The following PDE10A variants were observed in gnomAD, a reference collection of about 807,000 sequenced individuals.
PDE10A encodes phosphodiesterase 10A.
A neutral mutation model predicts 97.7 loss-of-function variants in PDE10A; 39 were observed. The observed-to-expected ratio is 0.40, with a 90% CI of 0.31 to 0.52. PDE10A has a LOEUF of 0.52. Ranked by LOEUF, PDE10A falls within the 20% of genes least tolerant of loss-of-function variation. The pLI, the probability that PDE10A is intolerant of heterozygous loss-of-function variation, is 0.56. For synonymous variants in PDE10A, 371 were observed against 376.8 expected (o/e 0.98, Z 0.18); for missense variants, 731 against 1,047.8 (o/e 0.70, Z 4.17).
intron 1 of PDE10A, among the ~76,000 whole-genome samples, chr6:165,769,468 A>T (rs561295501): frequency 2.0e-4 from 30 of 152,188 alleles, no homozygotes; most frequent in Non-Finnish European, 4.0e-4. Flanking sequence ...GGCAATTTGT[A>T]TTGGTGAATT....
intron 1 of PDE10A, among the ~76,000 whole-genome samples, chr6:165,720,442 C>G (rs998579808): frequency 6.6e-6 from 1 of 152,164 alleles, no homozygotes; most frequent in African/African-American, 2.4e-5. Context: ...TCCTTCTTGC[C>G]TCTTACACAG....
chr6:165,692,835 G>A (rs1051241946), intron 1 of PDE10A, among the ~76,000 whole-genome samples: 8 of 152,102 alleles, frequency 5.3e-5, no homozygotes, highest in African/African-American at 1.7e-4. Context: ...GAATACATTA[G>A]GGAAAGTATT....
intron 3 of PDE10A, among the ~76,000 whole-genome samples, chr6:165,451,010 C>G (rs1791249421): frequency 6.6e-6 from 1 of 152,158 alleles, no homozygotes; most frequent in South Asian, 2.1e-4. Context: ...CAAGAGCTTG[C>G]TGAGTGCACC....
At chr6:165,404,109 C>G (rs1430734394) in intron 13 of PDE10A, among the ~76,000 whole-genome samples, 1 of 152,140 alleles carries the variant, frequency 6.6e-6, no homozygotes, top group Non-Finnish European at 1.5e-5. Context: ...TCTGAGGTGA[C>G]AGATACCTCA....
Position 165,661,960 on chromosome 6 carries a change from G to T in PDE10A, c.852C>A (p.Cys284Ter). 1 of 1,105,962 alleles carries T rather than the reference G, an allele frequency of 9.0e-7. No individual in the cohort carries two copies. Among genetic ancestry groups the T allele is most frequent in the Non-Finnish European group, 1.3e-6 (1 of 745,914 alleles). The allele number at this position is 1,105,962 out of a possible 1,614,324, so 68.5% of individuals were successfully genotyped here. The change falls in exon 1 of 22, where the codon TGC becomes TGA. Residue 284 changes from cysteine to a stop codon, truncating the protein, a stop_gained. Transcript: ENST00000539869. LOFTEE classifies it high-confidence loss of function. The surrounding 1 kb of genome is among the most constrained non-coding windows in gnomAD (Gnocchi z 4.8). ...CAGGCCACTTACTGGGGCTCAGGAA[G>T]CACTCGGTCAGCCTTCGGAAGCAGC... ...NASCFRRLTE[C>*]FLSPSLTDEK...
chr6:165,359,640 C>A (rs1017171444), intron 18 of PDE10A, among the ~76,000 whole-genome samples: 1 of 152,136 alleles, frequency 6.6e-6, no homozygotes, highest in African/African-American at 2.4e-5. Context: ...TCCTTCCCTG[C>A]TAATTCCACA....
chr6:165,337,158 A>T (rs1237870400), intron 20 of PDE10A, among the ~76,000 whole-genome samples: 1 of 152,170 alleles, frequency 6.6e-6, no homozygotes, highest in Non-Finnish European at 1.5e-5. Flanking sequence ...ATAATACATA[A>T]ATAATATTTT....
intron 13 of PDE10A, among the ~76,000 whole-genome samples, chr6:165,399,912 A>G (rs1786508370): frequency 1.3e-5 from 2 of 152,216 alleles, no homozygotes; most frequent in South Asian, 4.1e-4. Context: ...TTATAGCAGC[A>G]TGATTTATAA....
At chr6:165,980,103 A>G (rs1268629893) in intron 1 of PDE10A, among the ~76,000 whole-genome samples, 1 of 152,220 alleles carries the variant, frequency 6.6e-6, no homozygotes, top group African/African-American at 2.4e-5. Flanking sequence ...AAAATCCATC[A>G]TAGGTGTAAT....
Position 165,333,135 on chromosome 6 carries a change from T to C in PDE10A, c.3066-8A>G. On this transcript the variant is annotated splice_polypyrimidine_tract_variant and splice_region_variant and intron_variant, in intron 21 of 21. Coordinates refer to ENST00000539869, the MANE Select transcript of PDE10A (RefSeq NM_001385079.1). ...CACTGACTGAGATTATCCCTAGGGATAAAAGATGCAGTTTCAGGAGAAGCT... is the reference window on the plus strand; with the variant it reads ...CACTGACTGAGATTATCCCTAGGGACAAAAGATGCAGTTTCAGGAGAAGCT... 6.6e-7 allele frequency: 1 copy of C among 1,503,998 alleles called. No homozygotes were observed. Among genetic ancestry groups the C allele is most frequent in the Non-Finnish European group, 9.3e-7 (1 of 1,079,442 alleles). 93.2% of individuals were successfully genotyped at this position (1,503,998 alleles called of 1,614,324 possible).
intron 18 of PDE10A, among the ~76,000 whole-genome samples, chr6:165,364,791 G>A (rs1251213097): frequency 2.0e-5 from 3 of 151,834 alleles, no homozygotes; most frequent in East Asian, 3.9e-4. Flanking sequence ...AAGTCTCTAG[G>A]AACAAAATAA....
intron 2 of PDE10A, 22 bp from the exon 3 acceptor site, chr6:165,482,365 G>A (rs1272242836): frequency 1.3e-6 from 2 of 1,589,614 alleles, no homozygotes; most frequent in African/African-American, 1.3e-5. Context: ...GAAGGAAGAG[G>A]GAAAAACACA....
chr6:165,645,306 T>C (rs868775995), intron 1 of PDE10A, among the ~76,000 whole-genome samples: 45 of 151,784 alleles, frequency 3.0e-4, no homozygotes, highest in African/African-American at 9.7e-4. Context: ...TTCTTGCCCC[T>C]GACCCCTTGC....
chr6:165,476,678 A>G (rs1261032069), intron 3 of PDE10A, among the ~76,000 whole-genome samples: 1 of 152,254 alleles, frequency 6.6e-6, no homozygotes, highest in African/African-American at 2.4e-5. Context: ...AAATTAAAGC[A>G]TCTACATGAC....
chr6:165,917,921 C>G (rs938129925), intron 1 of PDE10A, among the ~76,000 whole-genome samples: 11 of 152,332 alleles, frequency 7.2e-5, no homozygotes, highest in Non-Finnish European at 1.2e-4. Flanking sequence ...CCCTGTTCCT[C>G]CTGCTGCCCT....
rs1789933882 is a variant in PDE10A, at chr6:165,435,392, A to G, written c.1195-15T>C. ...ATACACAGGCTCTAGGGAGAAGAAA[A>G]GATGTTTTACAGACTTTCCTGTACA... On this transcript the variant is annotated splice_polypyrimidine_tract_variant and intron_variant, in intron 5 of 21. Transcript: ENST00000539869. 1.2e-6 allele frequency: 2 copies of G among 1,609,512 alleles called. No homozygotes were observed. The highest frequency in any genetic ancestry group is 1.1e-5 in the South Asian group (1 of 90,316).
chr6:165,758,993 C>G (rs1793189205), intron 1 of PDE10A, among the ~76,000 whole-genome samples: 1 of 152,162 alleles, frequency 6.6e-6, no homozygotes, highest in African/African-American at 2.4e-5. Flanking sequence ...TCTGAGGAGA[C>G]AAGGCGATTT....
chr6:165,901,590 G>A (rs1782107535), intron 1 of PDE10A, among the ~76,000 whole-genome samples: 1 of 152,156 alleles, frequency 6.6e-6, no homozygotes, highest in Admixed American at 6.5e-5. Context: ...ATCACCTGAG[G>A]TCCGGAGTTT....
Position 165,623,694 on chromosome 6 carries a change from G to A in PDE10A, c.865+38253C>T, listed in dbSNP as rs117302570. Among the ~76,000 whole-genome samples the A allele has an allele frequency of 3.9e-5, 6 of 152,220 alleles. No individual in the cohort carries two copies. The East Asian group carries it at 1.2e-3, about 29-fold the overall frequency. Reference sequence around the variant, plus strand: ...TGGGGTCACCAGTGGCCTCTCAGTTGCGGAACCCAATGGTGGGCTTTCCCT... The same window carrying A: ...TGGGGTCACCAGTGGCCTCTCAGTTACGGAACCCAATGGTGGGCTTTCCCT... On this transcript the variant is annotated intron_variant, in intron 1 of 21. Transcript: ENST00000539869.
Sources: gnomAD v4.1 joint callset for allele counts (sites outside exome capture counted in the v4.1 genomes callset) on GRCh38, gnomAD v4.1.1 for gene constraint, Gnocchi (gnomAD v3.1) non-coding constraint, MANE v1.5 for transcripts, NCBI Gene and HGNC (gene_info 2026-07-23, HGNC 2026-07-21) for gene names.